NDUFA6: variants seen among roughly 807,000 people sequenced by gnomAD.
NDUFA6 encodes NADH:ubiquinone oxidoreductase subunit A6, also known as NADH dehydrogenase [ubiquinone] 1 alpha subcomplex subunit 6.
A neutral mutation model predicts 12.5 loss-of-function variants in NDUFA6; 10 were observed. That is an observed-to-expected ratio of 0.80 (90% CI 0.49 to 1.35). The LOEUF (loss-of-function observed/expected upper bound fraction) is 1.35, where lower values mean the gene tolerates loss of function less well. NDUFA6 is among the 40% of genes most tolerant of loss of function. NDUFA6 has a pLI of 0.00. For missense variants in NDUFA6, 177 were observed against 173.5 expected (o/e 1.02, Z -0.11); for synonymous variants, 66 against 63.0 (o/e 1.05, Z -0.23).
At chr22:42,090,334 A>G (rs912179946) in intron 1 of NDUFA6, among the ~76,000 whole-genome samples, 2 of 152,192 alleles carry the variant, frequency 1.3e-5, no homozygotes, top group Non-Finnish European at 2.9e-5. Context: ...TGAGTGTGTC[A>G]CTGACAGTCA....
chr22:42,088,571 T>C (rs1297975822), intron 1 of NDUFA6, among the ~76,000 whole-genome samples: 2 of 151,820 alleles, frequency 1.3e-5, no homozygotes, highest in African/African-American at 4.8e-5. Context: ...ATACAAAAGT[T>C]AGCCAGGTGT....
rs759637850 is a variant in NDUFA6 at position 42,086,257 on chromosome 22, G to A, written c.313C>T (p.Arg105Trp). 4.3e-6 allele frequency: 7 copies of A among 1,614,068 alleles called. No homozygotes were observed. Among genetic ancestry groups the A allele is most frequent in the East Asian group, 2.2e-5 (1 of 44,904 alleles). The change falls in exon 3 of 3, where the codon CGG (arginine) becomes TGG (tryptophan). Residue 105 changes from arginine (R) to tryptophan (W), a missense_variant. Physicochemically the swap from Arg to Trp is moderately radical, Grantham distance 101. Coordinates refer to ENST00000498737, the MANE Select transcript of NDUFA6 (RefSeq NM_002490.6). ...GGCGCTTCTGTTTCATGGAAGAACCGCATAACATGTGTCCGCTGCTTCCAT... is the reference window on the plus strand; with the variant it reads ...GGCGCTTCTGTTTCATGGAAGAACCACATAACATGTGTCCGCTGCTTCCAT... ...KVWKQRTHVM[R>W]FFHETEAPRP... is the part of the protein sequence containing the mutation.
rs1928309209 is a variant in NDUFA6 at position 42,087,172 on chromosome 22, T to A, written c.143A>T (p.His48Leu). 6.2e-7 allele frequency: 1 copy of A among 1,607,874 alleles called. No individual in the cohort carries two copies. The highest frequency in any genetic ancestry group is 1.3e-5 in the African/African-American group (1 of 74,798). The change falls in exon 2 of 3, where the codon CAC becomes CTC. Residue 48 changes from histidine (H) to leucine (L), a missense_variant. This residue lies in a region of NDUFA6 where 111 missense variants were observed against 87.2 expected (regional missense o/e 1.27). Coordinates refer to ENST00000498737, the MANE Select transcript of NDUFA6 (RefSeq NM_002490.6). ...CACAGTGATGTCCAGCTGGAATTGG[T>A]GCACTAGAGAGAAAAACATGACTCA... is the stretch of plus-strand genomic sequence containing the variant. The part of the protein sequence containing the change: ...AWYREVPNTV[H>L]QFQLDITVKM...
chr22:42,086,934 C>G, intron 2 of NDUFA6, 126 bp downstream of exon 2: 3 of 751,666 alleles, frequency 4.0e-6, no homozygotes, highest in Non-Finnish European at 7.3e-6. Flanking sequence ...CTCTGAAACA[C>G]AGCAATAATC....
Position 42,087,049 on chromosome 22 carries a change from G to A in NDUFA6, c.255+11C>T. 6.4e-7 allele frequency: 1 copy of A among 1,560,306 alleles called. No individual in the cohort carries two copies. Among genetic ancestry groups the A allele is most frequent in the Non-Finnish European group, 8.8e-7 (1 of 1,130,926 alleles). ...GCTGATCTTTTAAATTGGTCAGGGAGGGTCAGTTACCTTAATGACCAGAAG... is the reference window on the plus strand; with the variant it reads ...GCTGATCTTTTAAATTGGTCAGGGAAGGTCAGTTACCTTAATGACCAGAAG... On this transcript the variant is annotated intron_variant, in intron 2 of 2. Coordinates refer to ENST00000498737, the MANE Select transcript of NDUFA6 (RefSeq NM_002490.6).
In NDUFA6 at chr22:42,090,610, G is replaced by A. The variant is rs941822223; in HGVS notation, c.135C>T (p.Asn45=). The change falls in exon 1 of 3, where the codon AAC becomes AAT. Residue 45 remains asparagine, a synonymous_variant. Coordinates refer to ENST00000498737, the MANE Select transcript of NDUFA6 (RefSeq NM_002490.6). Reference sequence around the variant, plus strand: ...ACGTAAGCCGCTACCTCTCACCAGTGTTCGGCACCTCCCGATACCAGGCGC... The same window carrying A: ...ACGTAAGCCGCTACCTCTCACCAGTATTCGGCACCTCCCGATACCAGGCGC... The part of the protein sequence containing the change: ...LYRAWYREVP[N]TVHQFQLDIT... The A allele has an allele frequency of 6.2e-7, 1 of 1,613,654 alleles. No homozygotes were observed. Among genetic ancestry groups the A allele is most frequent in the Non-Finnish European group, 8.5e-7 (1 of 1,180,004 alleles).
chr22:42,088,410 T>G (rs1928407417), intron 1 of NDUFA6, among the ~76,000 whole-genome samples: 1 of 148,520 alleles, frequency 6.7e-6, no homozygotes, highest in Non-Finnish European at 1.5e-5. Flanking sequence ...CGAGACTCCG[T>G]CTCAAAAAAA....
chr22:42,089,756 G>A (rs920869701), intron 1 of NDUFA6: 1 of 152,182 alleles, frequency 6.6e-6, no homozygotes, highest in Non-Finnish European at 1.5e-5. Flanking sequence ...TGAAGAAACT[G>A]AGGAATAGAT....
chr22:42,085,903 T>C lies in NDUFA6; in HGVS notation c.*280A>G, dbSNP rs1251633869. On this transcript the variant is annotated 3_prime_UTR_variant, in exon 3 of 3. Transcript: ENST00000498737. ...TACATTAACAAGTCGTCCAGCCTCA[T>C]GCCCAATGTCACAATTTTTGAACAG... is the stretch of plus-strand genomic sequence containing the variant. 5.6e-6 allele frequency: 3 copies of C among 538,138 alleles called. No individual in the cohort carries two copies. Among genetic ancestry groups the C allele is most frequent in the African/African-American group, 3.8e-5 (2 of 52,622 alleles). The allele number at this position is 538,138 out of a possible 1,614,324, so 33.3% of individuals were successfully genotyped here. A position where few individuals can be genotyped will look rare whatever the true frequency, so the allele number is the denominator to read the frequency against.
Position 42,087,187 on chromosome 22 carries a change from A to C in NDUFA6, c.140-12T>G. On this transcript the variant is annotated splice_polypyrimidine_tract_variant and intron_variant, in intron 1 of 2. Coordinates refer to ENST00000498737, the MANE Select transcript of NDUFA6 (RefSeq NM_002490.6). ...CTGGAATTGGTGCACTAGAGAGAAA[A>C]ACATGACTCAGGGTAGAAATTGTAT... 1 of 1,569,258 alleles carries C rather than the reference A, an allele frequency of 6.4e-7. No individual in the cohort carries two copies. Among genetic ancestry groups the C allele is most frequent in the Non-Finnish European group, 8.8e-7 (1 of 1,139,088 alleles).
Position 42,087,178 on chromosome 22 carries a change from A to T in NDUFA6, c.140-3T>A. Reference sequence around the variant, plus strand: ...GATGTCCAGCTGGAATTGGTGCACTAGAGAGAAAAACATGACTCAGGGTAG... The same window carrying T: ...GATGTCCAGCTGGAATTGGTGCACTTGAGAGAAAAACATGACTCAGGGTAG... On this transcript the variant is annotated splice_region_variant and splice_polypyrimidine_tract_variant and intron_variant, in intron 1 of 2. Coordinates refer to ENST00000498737, the MANE Select transcript of NDUFA6 (RefSeq NM_002490.6). 6.3e-7 allele frequency: 1 copy of T among 1,599,494 alleles called. No individual in the cohort carries two copies. Among genetic ancestry groups the T allele is most frequent in the Non-Finnish European group, 8.6e-7 (1 of 1,166,688 alleles).
intron 1 of NDUFA6, chr22:42,089,774 C>A (rs894591727): frequency 3.3e-5 from 5 of 152,100 alleles, no homozygotes; most frequent in African/African-American, 1.2e-4. Context: ...GATGAAATAA[C>A]TGGCCCAAGG....
chr22:42,090,495 CGCCTCTGCCCAAG>C, intron 1 of NDUFA6, 98 bp downstream of exon 1: 1 of 1,317,438 alleles, frequency 7.6e-7, no homozygotes, highest in African/African-American at 1.4e-5. Context: ...CACCCGCAGT[CGCCTCTGCCCAAG>C]TTGGTGACCT....
At chr22:42,087,656 G>A (rs1419601031) in intron 1 of NDUFA6, among the ~76,000 whole-genome samples, 2 of 151,260 alleles carry the variant, frequency 1.3e-5, no homozygotes, top group East Asian at 2.0e-4. Flanking sequence ...CAAAAAATTA[G>A]CCGGGTGTGG....
rs2146870469 is a variant in NDUFA6 at position 42,085,660 on chromosome 22, GT to G, written c.*522del. 4.7e-6 allele frequency: 1 copy of G among 211,018 alleles called. No homozygotes were observed. Among genetic ancestry groups the G allele is most frequent in the Non-Finnish European group, 9.7e-6 (1 of 103,422 alleles). 13.1% of individuals were successfully genotyped at this position (211,018 alleles called of 1,614,324 possible). A position where few individuals can be genotyped will look rare whatever the true frequency, so the allele number is the denominator to read the frequency against. On this transcript the variant is annotated 3_prime_UTR_variant, in exon 3 of 3. Coordinates refer to ENST00000498737, the MANE Select transcript of NDUFA6 (RefSeq NM_002490.6). ...CCTAAGCAGGGTGCCTGAGTAGGAA[GT>G]TAATTTCATTTTAAGGGCTGGAGCT...
In NDUFA6 at chr22:42,087,063, AATGACCAGAAG is replaced by A. The variant is rs1286730061; in HGVS notation, c.241_251del (p.Leu81Ter). On this transcript the variant is annotated frameshift_variant, in exon 2 of 3. Coordinates refer to ENST00000498737, the MANE Select transcript of NDUFA6 (RefSeq NM_002490.6). LOFTEE classifies it high-confidence loss of function. ...TTGGTCAGGGAGGGTCAGTTACCTT[AATGACCAGAAG>A]ATCAACCACCCTGGGGTCTGTGACA... The A allele has an allele frequency of 6.2e-7, 1 of 1,607,780 alleles. No homozygotes were observed. Among genetic ancestry groups the A allele is most frequent in the Non-Finnish European group, 8.5e-7 (1 of 1,174,288 alleles).
At position 42,090,727 on chromosome 22, in the gene NDUFA6, G is replaced by A; in HGVS notation, c.18C>T (p.Val6=). 6.2e-7 allele frequency: 1 copy of A among 1,614,162 alleles called. No individual in the cohort carries two copies. The highest frequency in any genetic ancestry group is 8.5e-7 in the Non-Finnish European group (1 of 1,180,038). The change falls in exon 1 of 3, where the codon GTC becomes GTT. Residue 6 remains valine (V), a synonymous_variant. Transcript: ENST00000498737. The part of the protein sequence containing the change: MAGSG[V]RQATSTASTF... Reference sequence around the variant, plus strand: ...TGCTGGCGGTAGAAGTAGCTTGGCGGACGCCGCTCCCCGCCATCTTGCCAA... The same window carrying A: ...TGCTGGCGGTAGAAGTAGCTTGGCGAACGCCGCTCCCCGCCATCTTGCCAA...
rs1230303692 is a variant in NDUFA6 at position 42,085,703 on chromosome 22, G to A, written c.*480C>T. ...GCTGGAGCTTGTTACAAGTAGCGGAGCCAAGCCTTTGCACATCCATTTTCT... is the reference window on the plus strand; with the variant it reads ...GCTGGAGCTTGTTACAAGTAGCGGAACCAAGCCTTTGCACATCCATTTTCT... On this transcript the variant is annotated 3_prime_UTR_variant, in exon 3 of 3. Coordinates refer to ENST00000498737, the MANE Select transcript of NDUFA6 (RefSeq NM_002490.6). 2 of 235,280 alleles carry A rather than the reference G, an allele frequency of 8.5e-6. No homozygotes were observed. The highest frequency in any genetic ancestry group is 2.3e-5 in the African/African-American group (1 of 43,242). 14.6% of individuals were successfully genotyped at this position (235,280 alleles called of 1,614,324 possible).
intron 1 of NDUFA6, 119 bp downstream of exon 1, chr22:42,090,487 C>A: frequency 7.9e-7 from 1 of 1,258,756 alleles, no homozygotes; most frequent in Non-Finnish European, 1.1e-6. Context: ...CCCTGAAGCA[C>A]CCGCAGTCGC....
Sources: gnomAD v4.1 joint callset for allele counts (sites outside exome capture counted in the v4.1 genomes callset) on GRCh38, gnomAD v4.1.1 for gene constraint, gnomAD v4.1.1 regional missense constraint, MANE v1.5 for transcripts, NCBI Gene and HGNC (gene_info 2026-07-23, HGNC 2026-07-21) for gene names.